The following CSMD2 variants were observed in gnomAD, a reference collection of about 807,000 sequenced individuals.
CSMD2 encodes the protein CUB and sushi domain-containing protein 2.
Under a neutral mutation model 398.5 loss-of-function variants are expected in CSMD2, and 130 were observed. The ratio of observed to expected loss-of-function variants is 0.33; its 90% CI spans 0.28 to 0.38. The LOEUF (loss-of-function observed/expected upper bound fraction) is 0.38. CSMD2 is among the 10% of genes least tolerant of loss of function. The probability of loss-of-function intolerance (pLI) is 1.00; values close to 1 mark genes in which losing one functional copy is unlikely to be tolerated. For missense variants in CSMD2, 3,829 were observed against 4,764.9 expected, an observed-to-expected ratio of 0.80 and a Z score of 5.78; for synonymous variants, 1,828 against 1,908.5, an observed-to-expected ratio of 0.96 and a Z score of 1.10.
chr1:33,889,753 CTGTG>C (rs55771161), intron 5 of CSMD2, among the ~76,000 whole-genome samples: 4,077 of 147,902 alleles, frequency 0.028, 149 homozygotes, highest in African/African-American at 0.088. Context: ...ACCTCCTATC[CTGTG>C]TGTGTGTGTG....
chr1:33,645,342 TATACACACAC>T (rs1370688771), intron 29 of CSMD2, among the ~76,000 whole-genome samples: 1,120 of 104,290 alleles, frequency 0.011, 9 homozygotes, highest in African/African-American at 0.04. Flanking sequence ...TATGGAGCAT[TATACACACAC>T]ACACACACAC....
chr1:33,654,457 C>T (rs964459267), intron 27 of CSMD2, among the ~76,000 whole-genome samples: 24 of 152,222 alleles, frequency 1.6e-4, no homozygotes, highest in African/African-American at 5.3e-4. Context: ...TGCTTCTCCC[C>T]GCTGGCCAGC....
chr1:33,642,970 C>CT (rs893132025), intron 29 of CSMD2, among the ~76,000 whole-genome samples: 1 of 152,198 alleles, frequency 6.6e-6, no homozygotes, highest in African/African-American at 2.4e-5. Flanking sequence ...CTGAGCCCAA[C>CT]TGAGTCCAGC....
At chr1:33,684,816 G>A (rs1645015697) in intron 25 of CSMD2, among the ~76,000 whole-genome samples, 1 of 152,228 alleles carries the variant, frequency 6.6e-6, no homozygotes, top group South Asian at 2.1e-4. Context: ...CTGCCATACA[G>A]AATTATGATC....
At chr1:34,123,546 A>G (rs1242748472) in intron 1 of CSMD2, among the ~76,000 whole-genome samples, 2 of 152,108 alleles carry the variant, frequency 1.3e-5, no homozygotes, top group Non-Finnish European at 2.9e-5. Context: ...GGGAACCCCA[A>G]CTTGAAGCCA....
At chr1:34,102,654 AACCATATCCCTGTAATCCG>A (rs1558390639) in intron 1 of CSMD2, among the ~76,000 whole-genome samples, 10 of 59,068 alleles carry the variant, frequency 1.7e-4, no homozygotes, top group African/African-American at 7.7e-4. Flanking sequence ...CCTGTAATCC[AACCATATCCCTGTAATCCG>A]GCCATATCCC....
chr1:34,112,622 T>A (rs1203539937), intron 1 of CSMD2, among the ~76,000 whole-genome samples: 1 of 152,228 alleles, frequency 6.6e-6, no homozygotes, highest in Non-Finnish European at 1.5e-5. Context: ...CTGGGTCATA[T>A]GGGCAGCCTT....
rs1646495213 is a variant in CSMD2, at chr1:33,725,359, G to A, written c.2685C>T (p.Leu895=). Residue 895 remains leucine, a synonymous_variant, in exon 17 of 71, where the codon CTC becomes CTT. Transcript: ENST00000373381. ...DKSHSDIGFQ[L]RYETITLQSD... ...CCCACTGAGACTCACTCTCATAGCG[G>A]AGCTGGAAGCCGATGTCCGAGTGAC... 1 of 1,613,806 alleles carries A rather than the reference G, an allele frequency of 6.2e-7. No individual in the cohort carries two copies. Among genetic ancestry groups the A allele is most frequent in the South Asian group, 1.1e-5 (1 of 91,048 alleles).
In CSMD2 at chr1:33,820,564, G is replaced by GAAAAA; in HGVS notation, c.1112-9_1112-8insTTTTT. 2 of 479,426 alleles carry GAAAAA rather than the reference G, an allele frequency of 4.2e-6. No homozygotes were observed. The highest frequency in any genetic ancestry group is 1.0e-4 in the South Asian group (2 of 20,094). 29.7% of individuals were successfully genotyped at this position (479,426 alleles called of 1,614,324 possible). ...ACACACCAACCTGAGTTACTACAAG[G>GAAAAA]CAAAAAAAAAAAAAAAAAAAAAAAC... On this transcript the variant is annotated splice_polypyrimidine_tract_variant and intron_variant, in intron 7 of 70. Coordinates refer to ENST00000373381, the MANE Select transcript of CSMD2 (RefSeq NM_001281956.2).
Position 33,577,687 on chromosome 1 carries a change from C to A in CSMD2, c.7388-203G>T, listed in dbSNP as rs1389558. Reference sequence around the variant, plus strand: ...TAAAGCCGAAACAAAACAACGGAAACAAAACAAAACAAAACAAAAAAAACC... The same window carrying A: ...TAAAGCCGAAACAAAACAACGGAAAAAAAACAAAACAAAACAAAAAAAACC... On this transcript the variant is annotated intron_variant, in intron 48 of 70. Coordinates refer to ENST00000373381, the MANE Select transcript of CSMD2 (RefSeq NM_001281956.2). Among the ~76,000 whole-genome samples, 35,952 of 151,894 alleles carry A rather than the reference C, an allele frequency of 0.24. 4,646 individuals are homozygous for A. Among genetic ancestry groups the A allele is most frequent in the Non-Finnish European group, 0.29 (19,917 of 67,948 alleles).
At chr1:33,768,503 C>A (rs1650820060) in intron 13 of CSMD2, among the ~76,000 whole-genome samples, 1 of 151,554 alleles carries the variant, frequency 6.6e-6, no homozygotes, top group Admixed American at 6.6e-5. Flanking sequence ...TTGCAGATCC[C>A]ATTACCCAAT....
In CSMD2 at chr1:33,527,231, T is replaced by C; in HGVS notation, c.10199A>G (p.Asn3400Ser). The C allele has an allele frequency of 6.2e-7, 1 of 1,614,134 alleles. No homozygotes were observed. Among genetic ancestry groups the C allele is most frequent in the Non-Finnish European group, 8.5e-7 (1 of 1,180,010 alleles). The stretch of plus-strand genomic sequence containing the variant: ...GGTGAGCGGTGGCTCCCGGGCAGTG[T>C]TGATGGGTCTCCCACTGGGCCGGAC... Reference protein sequence around the residue: ...LEVRPSGRPINTAREPPLTQA... With the variant: ...LEVRPSGRPISTAREPPLTQA... Residue 3400 changes from asparagine to serine, a missense_variant, in exon 65 of 71, where the codon AAC becomes AGC. Physicochemically the swap from Asn to Ser is conservative, Grantham distance 46 (BLOSUM62 1). Transcript: ENST00000373381.
intron 47 of CSMD2, 111 bp downstream of exon 47, chr1:33,583,531 G>T: frequency 1.8e-6 from 2 of 1,082,644 alleles, no homozygotes; most frequent in Non-Finnish European, 2.8e-6. Context: ...AGGACATCCT[G>T]TGGAGCTTCT....
chr1:33,776,271 G>A (rs1329680627), intron 12 of CSMD2, among the ~76,000 whole-genome samples: 1 of 152,184 alleles, frequency 6.6e-6, no homozygotes, highest in African/African-American at 2.4e-5. Flanking sequence ...AGAGGCATGG[G>A]ACTGAGAGCA....
chr1:33,908,319 A>G (rs759331530), intron 5 of CSMD2, among the ~76,000 whole-genome samples: 6 of 152,202 alleles, frequency 3.9e-5, no homozygotes, highest in Non-Finnish European at 7.3e-5. Flanking sequence ...GAATGAAGCA[A>G]CATCATTCCA....
chr1:34,143,425 C>T (rs1261413157), intron 1 of CSMD2, among the ~76,000 whole-genome samples: 1 of 152,194 alleles, frequency 6.6e-6, no homozygotes, highest in African/African-American at 2.4e-5. Context: ...TGGCTAGACT[C>T]CTGACCTTCC....
intron 25 of CSMD2, among the ~76,000 whole-genome samples, chr1:33,687,272 A>T (rs1289580036): frequency 1.3e-5 from 2 of 152,258 alleles, no homozygotes; most frequent in African/African-American, 4.8e-5. Flanking sequence ...ACCATTGTAA[A>T]ACAAAACACA....
At chr1:33,615,796 A>G (rs1641346734) in intron 39 of CSMD2, among the ~76,000 whole-genome samples, 2 of 152,208 alleles carry the variant, frequency 1.3e-5, no homozygotes, top group African/African-American at 4.8e-5. Context: ...ACAGATGCCT[A>G]TGCCCTACAC....
chr1:33,750,856 A>G (rs1648128894), intron 13 of CSMD2, among the ~76,000 whole-genome samples: 2 of 152,186 alleles, frequency 1.3e-5, no homozygotes, highest in Non-Finnish European at 2.9e-5. Flanking sequence ...ATAATGTTGG[A>G]GGCAAGGAAG....
Sources: allele counts gnomAD v4.1 joint callset (sites outside exome capture counted in the v4.1 genomes callset), GRCh38; gene constraint gnomAD v4.1.1; transcripts MANE v1.5; gene names NCBI Gene and HGNC (gene_info 2026-07-23, HGNC 2026-07-21).